Variants in RC3H2 observed in about 807,000 individuals in gnomAD.
The protein encoded by RC3H2 is roquin-2.
A neutral mutation model predicts 133.3 loss-of-function variants in RC3H2; 31 were observed. The ratio of observed to expected loss-of-function variants is 0.23; its 90% CI spans 0.17 to 0.31. RC3H2 has a LOEUF of 0.31. Among genes scored for constraint, RC3H2 ranks in the 10% least tolerant of loss-of-function variants. The probability of loss-of-function intolerance (pLI) is 1.00; values close to 1 mark genes in which losing one functional copy is unlikely to be tolerated. For synonymous variants in RC3H2, 517 were observed against 502.2 expected, an observed-to-expected ratio of 1.03 and a Z score of -0.40; for missense variants, 1,175 against 1,437.2, an observed-to-expected ratio of 0.82 and a Z score of 2.95.
chr9:122,891,897 T>C (rs1274400412), intron 3 of RC3H2, among the ~76,000 whole-genome samples: 1 of 152,232 alleles, frequency 6.6e-6, no homozygotes, highest in Non-Finnish European at 1.5e-5. Context: ...TTTATTACAC[T>C]TGTACATCTA....
In RC3H2 at chr9:122,898,680, C is replaced by T. The variant is rs900878720; in HGVS notation, c.-67-1104G>A. Among the ~76,000 whole-genome samples the T allele has an allele frequency of 4.1e-5, 6 of 147,534 alleles. No homozygotes were observed. The South Asian group carries it at 1.1e-3, about 26-fold the overall frequency. On this transcript the variant is annotated intron_variant, in intron 1 of 20. Transcript: ENST00000357244. ...AGGAGAATCACTTGAATGTGGAAGGCGGAGATTGCAGTGAGCCGAGATCAC... is the reference window on the plus strand; with the variant it reads ...AGGAGAATCACTTGAATGTGGAAGGTGGAGATTGCAGTGAGCCGAGATCAC...
chr9:122,885,842 G>A (rs575780782), intron 4 of RC3H2, among the ~76,000 whole-genome samples: 1 of 152,178 alleles, frequency 6.6e-6, no homozygotes, highest in Admixed American at 6.5e-5. Context: ...CTAGCTGGCT[G>A]TCTGGTTTCT....
At chr9:122,874,226 A>C (rs1040111226) in intron 9 of RC3H2, 4 of 152,234 alleles carry the variant, frequency 2.6e-5, no homozygotes, top group Admixed American at 2.6e-4. Context: ...AATATACCTT[A>C]AAAACAAAGT....
intron 18 of RC3H2, 74 bp downstream of exon 18, chr9:122,853,878 T>TG: frequency 6.2e-7 from 1 of 1,614,052 alleles, no homozygotes; most frequent in Non-Finnish European, 8.5e-7. Context: ...ATGCACTCAG[T>TG]AATGGTATAA....
At chr9:122,887,918 T>C (rs1356030850) in intron 4 of RC3H2, among the ~76,000 whole-genome samples, 1 of 152,122 alleles carries the variant, frequency 6.6e-6, no homozygotes, top group Non-Finnish European at 1.5e-5. Flanking sequence ...TAATTTTTTC[T>C]ATTTTTAGTA....
rs953747487 is a variant in RC3H2, at chr9:122,846,863, G to A, written c.*2764C>T. ...TGATATCAGTAGGTACCATTCTGAA[G>A]AAGGATCAGATGAACTGCCCTTTCT... On this transcript the variant is annotated 3_prime_UTR_variant, in exon 21 of 21. Transcript: ENST00000357244. The A allele has an allele frequency of 2.6e-5, 4 of 152,150 alleles. No homozygotes were observed. The highest frequency in any genetic ancestry group is 6.5e-5 in the Admixed American group (1 of 15,270). 9.4% of individuals were successfully genotyped at this position (152,150 alleles called of 1,614,324 possible).
At chr9:122,871,509 G>T (rs867469110) in intron 9 of RC3H2, among the ~76,000 whole-genome samples, 3 of 151,092 alleles carry the variant, frequency 2.0e-5, no homozygotes, top group Non-Finnish European at 3.0e-5. Flanking sequence ...GTGTTAGTGG[G>T]GGGGGGGGTT....
chr9:122,858,373 T>C lies in RC3H2; in HGVS notation c.2284-280A>G, dbSNP rs1296664017. On this transcript the variant is annotated intron_variant, in intron 12 of 20. Transcript: ENST00000357244. ...AGGTCCTAACCTTGTATTTTTAAGA[T>C]TTCTTTCTACTTTCCCAACAATTTC... Among the ~76,000 whole-genome samples, 8 of 152,374 alleles carry C rather than the reference T, an allele frequency of 5.3e-5. No individual in the cohort carries two copies. In the East Asian group the frequency reaches 1.5e-3, roughly 29 times the overall value.
chr9:122,867,271 G>C (rs1439605494), intron 9 of RC3H2, among the ~76,000 whole-genome samples: 2 of 118,794 alleles, frequency 1.7e-5, no homozygotes, highest in Non-Finnish European at 3.7e-5. Flanking sequence ...GCCCCGTCCG[G>C]GAGGGAGGTG....
chr9:122,868,886 TGTGTA>T (rs1830912435), intron 9 of RC3H2, among the ~76,000 whole-genome samples: 3 of 17,880 alleles, frequency 1.7e-4, no homozygotes, highest in East Asian at 1.2e-3. Context: ...TGTGTGTGTG[TGTGTA>T]TGTGTTTTTT....
chr9:122,874,253 A>G (rs1365199998), intron 9 of RC3H2: 1 of 152,212 alleles, frequency 6.6e-6, no homozygotes, highest in African/African-American at 2.4e-5. Flanking sequence ...ATGGCAGAGT[A>G]GAGCTAGAGG....
At chr9:122,877,103 C>T (rs1170909309) in intron 9 of RC3H2, among the ~76,000 whole-genome samples, 3 of 152,194 alleles carry the variant, frequency 2.0e-5, no homozygotes, top group Non-Finnish European at 4.4e-5. Flanking sequence ...CAGAGTCTTG[C>T]TGTGTCCCTC....
At position 122,879,814 on chromosome 9, in the gene RC3H2, C is replaced by CTACT; in HGVS notation, c.1149_1152dup (p.Val385SerfsTer13). 6.2e-7 allele frequency: 1 copy of CTACT among 1,614,102 alleles called. No individual in the cohort carries two copies. Among genetic ancestry groups the CTACT allele is most frequent in the African/African-American group, 1.3e-5 (1 of 75,034 alleles). ...TGTATGAAGTCCACAAGGCCATGAACTACTGTTTTAACAGCTACCATTGCA... is the reference window on the plus strand; with the variant it reads ...TGTATGAAGTCCACAAGGCCATGAACTACTTACTGTTTTAACAGCTACCATTGCA... On this transcript the variant is annotated frameshift_variant, in exon 8 of 21. Transcript: ENST00000357244. LOFTEE classifies it high-confidence loss of function.
At chr9:122,856,817 C>G (rs1174516902) in intron 13 of RC3H2, among the ~76,000 whole-genome samples, 2 of 152,044 alleles carry the variant, frequency 1.3e-5, no homozygotes, top group African/African-American at 4.8e-5. Context: ...TCAAGTCGAA[C>G]TCAGCAGATC....
chr9:122,860,575 G>A (rs1486176098), intron 10 of RC3H2, among the ~76,000 whole-genome samples: 6 of 151,562 alleles, frequency 4.0e-5, no homozygotes, highest in African/African-American at 9.7e-5. Context: ...CACCACACTC[G>A]GCTAATTTTT....
At chr9:122,852,029 CG>C (rs1410950860) in intron 18 of RC3H2, among the ~76,000 whole-genome samples, 1 of 151,022 alleles carries the variant, frequency 6.6e-6, no homozygotes, top group Non-Finnish European at 1.5e-5. Context: ...TCTGCCCGGC[CG>C]CCATCCCATC....
At position 122,870,377 on chromosome 9, in the gene RC3H2, AAAACAAACAAACAAAC is replaced by A. The variant is rs141668736; in HGVS notation, c.1326-4736_1326-4721del. 3.5e-3 allele frequency among the ~76,000 whole-genome samples: 435 copies of A among 123,644 alleles called. 2 individuals are homozygous for A. Among genetic ancestry groups the A allele is most frequent in the Middle Eastern group, 0.017 (4 of 242 alleles). 81.1% of individuals were successfully genotyped at this position (123,644 alleles called of 152,430 possible). On this transcript the variant is annotated intron_variant, in intron 9 of 20. Transcript: ENST00000357244. ...CCGACAGAGCAAGACTCTGTCTCCAAAAACAAACAAACAAACAAACAAACAAACAAACAAACAAAAA... is the reference window on the plus strand; with the variant it reads ...CCGACAGAGCAAGACTCTGTCTCCAAAAACAAACAAACAAACAAACAAAAA...
Position 122,851,395 on chromosome 9 carries a change from A to C in RC3H2, c.3159T>G (p.Pro1053=). Residue 1053 remains proline, a synonymous_variant, in exon 19 of 21, where the codon CCT becomes CCG. Coordinates refer to ENST00000357244, the MANE Select transcript of RC3H2 (RefSeq NM_001100588.3). ...AAAGCTCTAACTCGATATCCCTATC[A>C]GGTTTAGTATCTGTTGCATCTTCTG... ...DYTEDATDTK[P]DRDIELELSA... is the part of the protein sequence containing the mutation. 1 of 1,614,198 alleles carries C rather than the reference A, an allele frequency of 6.2e-7. No homozygotes were observed. The highest frequency in any genetic ancestry group is 8.5e-7 in the Non-Finnish European group (1 of 1,180,036).
Position 122,890,302 on chromosome 9 carries a change from C to CCTATCTTAA in RC3H2, c.583+9_583+10insTTAAGATAG. On this transcript the variant is annotated intron_variant, in intron 4 of 20. Coordinates refer to ENST00000357244, the MANE Select transcript of RC3H2 (RefSeq NM_001100588.3). ...GCTAATAAAAAAGGTAAGATAGTAA[C>CCTATCTTAA]CTATCTTACCTGGCCCTAAAAACTG... 4 of 1,602,920 alleles carry CCTATCTTAA rather than the reference C, an allele frequency of 2.5e-6. No individual in the cohort carries two copies. The highest frequency in any genetic ancestry group is 2.6e-6 in the Non-Finnish European group (3 of 1,170,080).
Sources: allele counts gnomAD v4.1 joint callset (sites outside exome capture counted in the v4.1 genomes callset), GRCh38; gene constraint gnomAD v4.1.1; transcripts MANE v1.5; gene names NCBI Gene and HGNC (gene_info 2026-07-23, HGNC 2026-07-21).